Variants in PARD3B observed in about 807,000 individuals in gnomAD.
PARD3B encodes par-3 family cell polarity regulator beta.
PARD3B carries 103 observed loss-of-function variants against 130.2 expected under a neutral mutation model. That is an observed-to-expected ratio of 0.79 (90% CI 0.67 to 0.93). The LOEUF is 0.93. Ranked by LOEUF, PARD3B falls within the 40% of genes least tolerant of loss-of-function variation. The probability of loss-of-function intolerance (pLI) is 0.00; values close to 1 mark genes in which losing one functional copy is unlikely to be tolerated. For synonymous variants in PARD3B, 583 were observed against 553.2 expected (o/e 1.05, Z -0.76); for missense variants, 1,609 against 1,499.2 (o/e 1.07, Z -1.21).
chr2:205,254,916 G>A (rs182627383), intron 16 of PARD3B, among the ~76,000 whole-genome samples: 3 of 151,624 alleles, frequency 2.0e-5, no homozygotes, highest in African/African-American at 4.8e-5. Flanking sequence ...CGCCCGCCTC[G>A]GCCTCCCAAA....
At chr2:205,204,599 T>G (rs1207247352) in intron 15 of PARD3B, among the ~76,000 whole-genome samples, 3 of 152,236 alleles carry the variant, frequency 2.0e-5, no homozygotes, top group Non-Finnish European at 2.9e-5. Context: ...TTTTTAAGTC[T>G]TTAATCCATC....
rs1450261333 is a variant in PARD3B, at chr2:205,183,141, G to A, written c.1925-2623G>A. Among the ~76,000 whole-genome samples, 1 of 152,142 alleles carries A rather than the reference G, an allele frequency of 6.6e-6. No homozygotes were observed. The highest frequency in any genetic ancestry group is 1.5e-5 in the Non-Finnish European group (1 of 68,020). ...GACCTTGGGAGAAGGGTAGGATTTTGACAGGTAGAGTAGGTTTTGCAGTTA... is the reference window on the plus strand; with the variant it reads ...GACCTTGGGAGAAGGGTAGGATTTTAACAGGTAGAGTAGGTTTTGCAGTTA... On this transcript the variant is annotated intron_variant, in intron 13 of 22. Transcript: ENST00000406610. The surrounding 1 kb of genome is among the most constrained non-coding windows in gnomAD (Gnocchi z 5.2).
chr2:204,712,376 A>G (rs57526221), intron 2 of PARD3B, among the ~76,000 whole-genome samples: 10,228 of 151,996 alleles, frequency 0.067, 662 homozygotes, highest in African/African-American at 0.16. Context: ...ACTTTAGGAG[A>G]CTGAGACAGG....
At chr2:204,898,698 G>A (rs1014615830) in intron 2 of PARD3B, among the ~76,000 whole-genome samples, 1 of 152,166 alleles carries the variant, frequency 6.6e-6, no homozygotes, top group African/African-American at 2.4e-5. Context: ...TGGATGATCT[G>A]TCTCAAGCTG....
intron 19 of PARD3B, among the ~76,000 whole-genome samples, chr2:205,438,337 G>T (rs2047590332): frequency 6.6e-6 from 1 of 152,148 alleles, no homozygotes; most frequent in Non-Finnish European, 1.5e-5. Context: ...TTCTATTTCT[G>T]TGATTTTTAA....
intron 2 of PARD3B, among the ~76,000 whole-genome samples, chr2:204,823,939 C>CAAAAA (rs5837938): frequency 3.8e-4 from 41 of 109,074 alleles, no homozygotes; most frequent in Middle Eastern, 5.5e-3. Flanking sequence ...GACTCAGTCT[C>CAAAAA]AAAAAAAAAA....
Position 205,615,613 on chromosome 2 carries a change from C to A in PARD3B, c.3418C>A (p.Pro1140Thr). 1.2e-6 allele frequency: 2 copies of A among 1,614,064 alleles called. No homozygotes were observed. The highest frequency in any genetic ancestry group is 1.7e-6 in the Non-Finnish European group (2 of 1,179,968). The change falls in exon 23 of 23, where the codon CCT becomes ACT. Residue 1140 changes from proline to threonine, a missense_variant. Coordinates refer to ENST00000406610, the MANE Select transcript of PARD3B (RefSeq NM_001302769.2). ...TELRVADLRYPQHYPPPPAPQ... is the reference protein window; with the variant it reads ...TELRVADLRYTQHYPPPPAPQ... ...GCTCAGGGTGGCAGATCTCCGGTAT[C>A]CTCAGCACTACCCACCCCCGCCAGC... is the stretch of plus-strand genomic sequence containing the variant.
rs995543380 is a variant in PARD3B at position 205,563,115 on chromosome 2, G to A, written c.3260+9712G>A. Among the ~76,000 whole-genome samples the A allele has an allele frequency of 7.2e-5, 11 of 152,104 alleles. No individual in the cohort carries two copies. The highest frequency in any genetic ancestry group is 5.9e-5 in the Non-Finnish European group (4 of 68,028). On this transcript the variant is annotated intron_variant, in intron 22 of 22. Coordinates refer to ENST00000406610, the MANE Select transcript of PARD3B (RefSeq NM_001302769.2). This position sits in a 1 kb window ranked among gnomAD's most constrained non-coding sequence, Gnocchi z 4.2. ...CATGAATACATGATATTATTCAACA[G>A]GAGTAATTAACAGTAAAATCACTAG...
At chr2:205,536,815 C>T (rs1393550898) in intron 21 of PARD3B, among the ~76,000 whole-genome samples, 1 of 152,166 alleles carries the variant, frequency 6.6e-6, no homozygotes, top group African/African-American at 2.4e-5. Flanking sequence ...CATCTCAGGT[C>T]AGTGCCCCTG....
intron 20 of PARD3B, among the ~76,000 whole-genome samples, chr2:205,480,602 T>C (rs913463468): frequency 2.0e-5 from 3 of 152,144 alleles, no homozygotes; most frequent in African/African-American, 7.2e-5. Flanking sequence ...TCAATAAATA[T>C]TTGCAAAATG....
chr2:204,752,294 G>T (rs1272054041), intron 2 of PARD3B, among the ~76,000 whole-genome samples: 1 of 152,018 alleles, frequency 6.6e-6, no homozygotes, highest in East Asian at 1.9e-4. Flanking sequence ...ATAAATTGAG[G>T]TATCTTAAGG....
At chr2:204,753,064 G>T (rs2040526610) in intron 2 of PARD3B, among the ~76,000 whole-genome samples, 1 of 151,934 alleles carries the variant, frequency 6.6e-6, no homozygotes, top group Admixed American at 6.6e-5. Flanking sequence ...AGTCCTATTC[G>T]GTATTTTAGA....
chr2:204,609,755 A>G (rs982511921), intron 1 of PARD3B, among the ~76,000 whole-genome samples: 1 of 151,964 alleles, frequency 6.6e-6, no homozygotes, highest in Non-Finnish European at 1.5e-5. Context: ...CTCTTTTTGA[A>G]CCTTAAAGGT....
chr2:204,692,796 C>T (rs145837041), intron 2 of PARD3B, among the ~76,000 whole-genome samples: 1 of 152,058 alleles, frequency 6.6e-6, no homozygotes, highest in East Asian at 1.9e-4. Context: ...TCAGAATTTT[C>T]AAGATTACTC....
intron 2 of PARD3B, among the ~76,000 whole-genome samples, chr2:204,919,986 C>T (rs929563120): frequency 2.2e-4 from 34 of 151,982 alleles, no homozygotes; most frequent in Non-Finnish European, 1.9e-4. Flanking sequence ...CTTGCAGAGT[C>T]TGCCCTTTAC....
rs112394226 is a variant in PARD3B, at chr2:205,161,789, T to A, written c.1620+2882T>A. ...AAATAATCTTTCAACCAGAGCACAA[T>A]CTTTTTCTCCTCGCCCTTCATACCA... On this transcript the variant is annotated intron_variant, in intron 11 of 22. Transcript: ENST00000406610. 2.3e-3 allele frequency among the ~76,000 whole-genome samples: 346 copies of A among 152,348 alleles called. 6 individuals carry two copies. In the East Asian group the frequency reaches 0.031, roughly 14 times the overall value.
intron 1 of PARD3B, among the ~76,000 whole-genome samples, chr2:204,608,993 C>T (rs2033829488): frequency 6.6e-6 from 1 of 152,112 alleles, no homozygotes; most frequent in Admixed American, 6.6e-5. Flanking sequence ...AGGTAATACC[C>T]TGTTATATTG....
At chr2:204,876,993 C>T (rs866340201) in intron 2 of PARD3B, among the ~76,000 whole-genome samples, 2 of 152,066 alleles carry the variant, frequency 1.3e-5, no homozygotes, top group African/African-American at 4.8e-5. Context: ...CCTGAGGAAT[C>T]GCCACACACT....
chr2:204,782,444 ATAAG>A (rs2041870211), intron 2 of PARD3B, among the ~76,000 whole-genome samples: 1 of 151,356 alleles, frequency 6.6e-6, no homozygotes, highest in Non-Finnish European at 1.5e-5. Context: ...CACATTACAC[ATAAG>A]TATTATATAT....
Sources: gnomAD v4.1 joint callset for allele counts (sites outside exome capture counted in the v4.1 genomes callset) on GRCh38, gnomAD v4.1.1 for gene constraint, Gnocchi (gnomAD v3.1) non-coding constraint, MANE v1.5 for transcripts, NCBI Gene and HGNC (gene_info 2026-07-23, HGNC 2026-07-21) for gene names.